KDM4C: variants seen among roughly 807,000 people sequenced by gnomAD.
KDM4C encodes lysine demethylase 4C, also known as lysine-specific demethylase 4C.
Under a neutral mutation model 129.3 loss-of-function variants are expected in KDM4C, and 81 were observed. The ratio of observed to expected loss-of-function variants is 0.63; its 90% confidence interval spans 0.52 to 0.75. KDM4C has a LOEUF of 0.75. Among genes scored for constraint, KDM4C ranks in the 30% least tolerant of loss-of-function variants. The probability of loss-of-function intolerance (pLI) is 0.00; values close to 1 mark genes in which losing one functional copy is unlikely to be tolerated. For missense variants in KDM4C, 1,457 were observed against 1,304.0 expected, an observed-to-expected ratio of 1.12 and a Z score of -1.81; for synonymous variants, 573 against 456.1, an observed-to-expected ratio of 1.26 and a Z score of -3.26.
intron 9 of KDM4C, chr9:6,982,141 T>G (rs1316006193): frequency 6.6e-6 from 1 of 152,102 alleles, no homozygotes; most frequent in African/African-American, 2.4e-5. Flanking sequence ...GTAGCTTGTG[T>G]CCACTTTTTT....
rs1374290471 is a variant in KDM4C, at chr9:7,158,998, G to A, written c.2782-6240G>A. Among the ~76,000 whole-genome samples the A allele has an allele frequency of 3.3e-5, 5 of 152,138 alleles. 1 individual carries two copies. Among genetic ancestry groups the A allele is most frequent in the Admixed American group, 3.3e-4 (5 of 15,270 alleles). The stretch of plus-strand genomic sequence containing the variant: ...TCTAAGTCTCTTTGTAGTCTCTAAG[G>A]ACTTGCTTTATGAATCTGGGTGCTC... On this transcript the variant is annotated intron_variant, in intron 19 of 21. Coordinates refer to ENST00000381309, the MANE Select transcript of KDM4C (RefSeq NM_015061.6).
chr9:7,028,749 G>A (rs907576064), intron 15 of KDM4C, among the ~76,000 whole-genome samples: 1 of 152,130 alleles, frequency 6.6e-6, no homozygotes, highest in African/African-American at 2.4e-5. Context: ...GAACTGGGAT[G>A]TGTGATCTCC....
At chr9:6,898,887 C>T (rs1419843546) in intron 8 of KDM4C, among the ~76,000 whole-genome samples, 1 of 152,064 alleles carries the variant, frequency 6.6e-6, no homozygotes, top group Non-Finnish European at 1.5e-5. Context: ...TGCTTTTGAT[C>T]ACAAAATACT....
intron 15 of KDM4C, among the ~76,000 whole-genome samples, chr9:7,040,921 C>G (rs925292283): frequency 6.6e-6 from 1 of 151,166 alleles, no homozygotes; most frequent in African/African-American, 2.4e-5. Flanking sequence ...AGGTTGATAT[C>G]TTTTATCAGT....
chr9:7,021,308 C>G (rs1201227986), intron 15 of KDM4C, among the ~76,000 whole-genome samples: 3 of 151,888 alleles, frequency 2.0e-5, no homozygotes, highest in African/African-American at 4.8e-5. Context: ...CCATGCCCGG[C>G]TAATTTTTGT....
chr9:6,951,852 T>C (rs906916189), intron 8 of KDM4C, among the ~76,000 whole-genome samples: 2 of 152,194 alleles, frequency 1.3e-5, no homozygotes, highest in African/African-American at 4.8e-5. Flanking sequence ...ATGAAAACAA[T>C]AGCAATATTA....
At chr9:7,106,525 G>C (rs1197621389) in intron 18 of KDM4C, among the ~76,000 whole-genome samples, 1 of 152,114 alleles carries the variant, frequency 6.6e-6, no homozygotes, top group East Asian at 1.9e-4. Flanking sequence ...TGCTTCAATA[G>C]AGTCTCCATT....
intron 5 of KDM4C, among the ~76,000 whole-genome samples, chr9:6,867,217 T>C (rs976642982): frequency 1.3e-5 from 2 of 152,004 alleles, no homozygotes; most frequent in South Asian, 2.1e-4. Context: ...GGTTTCACCA[T>C]GTTGGCTAAG....
At chr9:6,940,468 C>T (rs541978519) in intron 8 of KDM4C, among the ~76,000 whole-genome samples, 45 of 152,280 alleles carry the variant, frequency 3.0e-4, no homozygotes, top group African/African-American at 9.1e-4. Flanking sequence ...ATTGTGTCAA[C>T]TTTCATTTAA....
chr9:7,026,803 T>G lies in KDM4C; in HGVS notation c.2259+10874T>G, dbSNP rs918684225. On this transcript the variant is annotated intron_variant, in intron 15 of 21. Coordinates refer to ENST00000381309, the MANE Select transcript of KDM4C (RefSeq NM_015061.6). ...TTCTTTCTTCTTTTGTCTCCTCTCA[T>G]TGTGTATTTTCAAATAACCTGTCTT... Among the ~76,000 whole-genome samples, 8 of 152,048 alleles carry G rather than the reference T, an allele frequency of 5.3e-5. No individual in the cohort carries two copies. In the East Asian group the frequency reaches 1.2e-3, roughly 22 times the overall value.
At chr9:6,934,377 G>A (rs1052271948) in intron 8 of KDM4C, among the ~76,000 whole-genome samples, 1 of 151,418 alleles carries the variant, frequency 6.6e-6, no homozygotes, top group Non-Finnish European at 1.5e-5. Context: ...CTACTTGGGA[G>A]GCTGAGGCAG....
At chr9:6,744,941 A>G (rs527639685) in intron 1 of KDM4C, among the ~76,000 whole-genome samples, 1 of 152,184 alleles carries the variant, frequency 6.6e-6, no homozygotes, top group South Asian at 2.1e-4. Context: ...CAGCAGATAT[A>G]TGGGATGGAG....
chr9:7,024,668 A>AT (rs1033410811), intron 15 of KDM4C, among the ~76,000 whole-genome samples: 1 of 152,066 alleles, frequency 6.6e-6, no homozygotes, highest in Admixed American at 6.6e-5. Context: ...TGAACTCATC[A>AT]TTTTTTATGG....
At chr9:6,931,020 C>G (rs575223279) in intron 8 of KDM4C, among the ~76,000 whole-genome samples, 18 of 152,252 alleles carry the variant, frequency 1.2e-4, no homozygotes, top group African/African-American at 4.1e-4. Flanking sequence ...TTGCCTGTGA[C>G]TGATGTCTTC....
intron 8 of KDM4C, among the ~76,000 whole-genome samples, chr9:6,935,051 A>C (rs1824509481): frequency 6.6e-6 from 1 of 152,054 alleles, no homozygotes; most frequent in Non-Finnish European, 1.5e-5. Flanking sequence ...TTTTGGGGAA[A>C]ATTTTCCAGA....
chr9:7,074,795 T>C (rs1473013411), intron 17 of KDM4C, among the ~76,000 whole-genome samples: 2 of 152,192 alleles, frequency 1.3e-5, no homozygotes, highest in Non-Finnish European at 2.9e-5. Context: ...ACTAAGATAA[T>C]GAGTGAGCCT....
chr9:6,839,167 G>A (rs1431074145), intron 4 of KDM4C, among the ~76,000 whole-genome samples: 2 of 152,160 alleles, frequency 1.3e-5, no homozygotes, highest in South Asian at 2.1e-4. Context: ...GTCTTCTAAT[G>A]TGGGCTTGGA....
chr9:7,111,312 C>A (rs1326223115), intron 18 of KDM4C, among the ~76,000 whole-genome samples: 1 of 152,122 alleles, frequency 6.6e-6, no homozygotes, highest in African/African-American at 2.4e-5. Context: ...AAAGGAAATG[C>A]TCATTTAAGC....
At chr9:7,130,659 C>T (rs984857997) in intron 19 of KDM4C, among the ~76,000 whole-genome samples, 24 of 152,350 alleles carry the variant, frequency 1.6e-4, no homozygotes, top group African/African-American at 5.8e-4. Context: ...GTGGCCACAA[C>T]TGTTGCCCTG....
Sources: allele counts gnomAD v4.1 joint callset (sites outside exome capture counted in the v4.1 genomes callset), GRCh38; gene constraint gnomAD v4.1.1; transcripts MANE v1.5; gene names NCBI Gene and HGNC (gene_info 2026-07-23, HGNC 2026-07-21).